Variants in CUL5 observed in about 807,000 individuals in gnomAD.
CUL5 encodes cullin-5.
Under a neutral mutation model 108.8 loss-of-function variants are expected in CUL5, and 26 were observed. The observed-to-expected ratio is 0.24, with a 90% CI of 0.18 to 0.33. The LOEUF (loss-of-function observed/expected upper bound fraction) is 0.33, where lower values mean the gene tolerates loss of function less well. Among genes scored for constraint, CUL5 ranks in the 10% least tolerant of loss-of-function variants. The pLI is 1.00. For missense variants in CUL5, 524 were observed against 909.2 expected (o/e 0.58, Z 5.45); for synonymous variants, 334 against 298.0 (o/e 1.12, Z -1.25).
intron 18 of CUL5, among the ~76,000 whole-genome samples, chr11:108,100,976 C>T (rs1243838437): frequency 3.3e-5 from 5 of 152,094 alleles, no homozygotes; most frequent in East Asian, 1.9e-4. Context: ...TTGCAGTGAG[C>T]GGAGATCGCG....
chr11:108,034,714 C>A (rs1052782900), intron 2 of CUL5, among the ~76,000 whole-genome samples: 17 of 152,170 alleles, frequency 1.1e-4, no homozygotes, highest in Non-Finnish European at 2.5e-4. Context: ...TGTCTCTTCC[C>A]AGCTGCTGTG....
intron 11 of CUL5, among the ~76,000 whole-genome samples, chr11:108,086,185 G>C (rs1864218406): frequency 6.6e-6 from 1 of 152,158 alleles, no homozygotes; most frequent in African/African-American, 2.4e-5. Context: ...TGAATCCCAA[G>C]TGGGATAAAT....
chr11:108,057,965 C>T (rs1343090428), intron 7 of CUL5, among the ~76,000 whole-genome samples: 3 of 152,036 alleles, frequency 2.0e-5, no homozygotes, highest in African/African-American at 7.2e-5. Context: ...AATCCCAGCA[C>T]TTTGGGAGGC....
At chr11:108,093,032 T>A (rs572835620) in intron 13 of CUL5, among the ~76,000 whole-genome samples, 1 of 152,200 alleles carries the variant, frequency 6.6e-6, no homozygotes, top group East Asian at 1.9e-4. Context: ...GCCAGGCTGG[T>A]CTTGAACTCC....
At chr11:108,048,118 A>T (rs925673438) in intron 3 of CUL5, among the ~76,000 whole-genome samples, 29 of 144,712 alleles carry the variant, frequency 2.0e-4, no homozygotes, top group Admixed American at 8.4e-4. Flanking sequence ...CGCTTAAGAA[A>T]TTTTTTTTTT....
At chr11:108,056,501 C>T (rs1451513900) in intron 7 of CUL5, among the ~76,000 whole-genome samples, 1 of 152,064 alleles carries the variant, frequency 6.6e-6, no homozygotes, top group Non-Finnish European at 1.5e-5. Context: ...TATGTATCCT[C>T]TTTGGTTGAA....
At chr11:108,024,539 T>C (rs530702603) in intron 1 of CUL5, among the ~76,000 whole-genome samples, 80 of 152,346 alleles carry the variant, frequency 5.3e-4, no homozygotes, top group Non-Finnish European at 9.4e-4. Context: ...CATGTAACAG[T>C]CAGATATTAT....
chr11:108,050,892 T>A (rs973249322), intron 4 of CUL5, among the ~76,000 whole-genome samples: 10 of 152,234 alleles, frequency 6.6e-5, no homozygotes, highest in Non-Finnish European at 1.2e-4. Flanking sequence ...AACTCAGTGC[T>A]GAATATGAAG....
At chr11:108,102,632 G>A (rs952309346) in intron 18 of CUL5, among the ~76,000 whole-genome samples, 1 of 152,010 alleles carries the variant, frequency 6.6e-6, no homozygotes, top group African/African-American at 2.4e-5. Context: ...TCCCTGGCTG[G>A]TTATCATATC....
chr11:108,082,286 G>GT (rs756231516), intron 11 of CUL5, among the ~76,000 whole-genome samples: 16,275 of 122,220 alleles, frequency 0.13, 930 homozygotes, highest in South Asian at 0.15. Context: ...CTTTCTTTCT[G>GT]TTTTTTTTTT....
intron 4 of CUL5, 148 bp from the exon 5 acceptor site, chr11:108,052,512 T>C (rs1863256718): frequency 1.6e-6 from 1 of 619,098 alleles, no homozygotes; most frequent in Non-Finnish European, 2.7e-6. Flanking sequence ...TCCACCTGCC[T>C]CGGCCTCCCA....
chr11:108,037,652 G>C (rs1862781243), intron 2 of CUL5, among the ~76,000 whole-genome samples: 1 of 152,204 alleles, frequency 6.6e-6, no homozygotes, highest in South Asian at 2.1e-4. Context: ...TTGTCTACCA[G>C]GGAAGCTAAT....
At chr11:108,073,529 T>C (rs1270263869) in intron 10 of CUL5, 32 bp downstream of exon 10, 3 of 988,666 alleles carry the variant, frequency 3.0e-6, no homozygotes, top group African/African-American at 3.3e-5. Context: ...AAAAACACTT[T>C]TAAAAGTTTT....
chr11:108,032,702 T>C (rs1281189773), intron 1 of CUL5, among the ~76,000 whole-genome samples: 1 of 152,222 alleles, frequency 6.6e-6, no homozygotes, highest in African/African-American at 2.4e-5. Context: ...TGTTTTGATA[T>C]GACACTTGTT....
At chr11:108,027,491 C>T (rs1481025091) in intron 1 of CUL5, among the ~76,000 whole-genome samples, 5 of 152,078 alleles carry the variant, frequency 3.3e-5, no homozygotes, top group East Asian at 1.9e-4. Flanking sequence ...AGGCTGGTCT[C>T]GAACTCCTGA....
At chr11:108,030,720 T>C (rs1862560596) in intron 1 of CUL5, among the ~76,000 whole-genome samples, 1 of 152,242 alleles carries the variant, frequency 6.6e-6, no homozygotes, top group South Asian at 2.1e-4. Context: ...GGATGAACTA[T>C]GTTCGTGAAT....
At chr11:108,065,402 C>T (rs1461573372) in intron 7 of CUL5, among the ~76,000 whole-genome samples, 1 of 152,156 alleles carries the variant, frequency 6.6e-6, no homozygotes, top group Non-Finnish European at 1.5e-5. Context: ...CCTAGACTGC[C>T]TTTCAAGTTT....
Position 108,094,720 on chromosome 11 carries a change from C to A in CUL5, c.1568-92C>A, listed in dbSNP as rs538955181. 4 of 1,051,468 alleles carry A rather than the reference C, an allele frequency of 3.8e-6. No individual in the cohort carries two copies. In the South Asian group the frequency reaches 5.3e-5, roughly 14 times the overall value. The allele number at this position is 1,051,468 out of a possible 1,614,324, so 65.1% of individuals were successfully genotyped here. A position where few individuals can be genotyped will look rare whatever the true frequency, so the allele number is the denominator to read the frequency against. ...ACACTTTTAACAAAATCTTTATAGT[C>A]TTATTGATTTTTCACCCAAAGTTAC... On this transcript the variant is annotated intron_variant, in intron 14 of 18. Transcript: ENST00000393094.
chr11:108,070,623 G>A (rs1230581330), intron 8 of CUL5, among the ~76,000 whole-genome samples: 1 of 7,208 alleles, frequency 1.4e-4, no homozygotes, highest in Non-Finnish European at 5.1e-3. Flanking sequence ...ATTTCTAAAG[G>A]ATTTTTTTAT....
Sources: allele counts gnomAD v4.1 joint callset (sites outside exome capture counted in the v4.1 genomes callset), GRCh38; gene constraint gnomAD v4.1.1; transcripts MANE v1.5; gene names NCBI Gene and HGNC (gene_info 2026-07-23, HGNC 2026-07-21).